TMEM192: variants seen among roughly 807,000 people sequenced by gnomAD.
TMEM192 encodes the protein transmembrane protein 192.
In TMEM192, 20 loss-of-function variants were observed where a neutral mutation model predicts 26.7. The observed-to-expected ratio is 0.75, with a 90% CI of 0.53 to 1.09. The LOEUF is 1.09. Among genes scored for constraint, TMEM192 ranks in the 50% least tolerant of loss-of-function variants. TMEM192 has a pLI of 0.00. For synonymous variants in TMEM192, 124 were observed against 121.0 expected, an observed-to-expected ratio of 1.02 and a Z score of -0.16; for missense variants, 304 against 322.6, an observed-to-expected ratio of 0.94 and a Z score of 0.44.
At chr4:165,088,383 T>C (rs944154278) in intron 4 of TMEM192, 85 bp downstream of exon 4, 2 of 1,389,128 alleles carry the variant, frequency 1.4e-6, no homozygotes, top group African/African-American at 2.9e-5. Context: ...GAGAACTTCC[T>C]TGTCGCTAAT....
At chr4:165,081,007 GC>G (rs1734506907) in intron 5 of TMEM192, among the ~76,000 whole-genome samples, 1 of 151,970 alleles carries the variant, frequency 6.6e-6, no homozygotes, top group African/African-American at 2.4e-5. Flanking sequence ...GAGCCACCGC[GC>G]CCAGCCAATA....
Position 165,075,030 on chromosome 4 carries a change from C to G in TMEM192, c.*4628G>C, listed in dbSNP as rs574263919. 1 of 152,238 alleles carries G rather than the reference C, an allele frequency of 6.6e-6. No homozygotes were observed. Among genetic ancestry groups the G allele is most frequent in the East Asian group, 1.9e-4 (1 of 5,180 alleles). 9.4% of individuals were successfully genotyped at this position (152,238 alleles called of 1,614,324 possible). Reference sequence around the variant, plus strand: ...GTATCCAAAGAAATACAATTTGAAACAATGACACACTCATCAGATGGGTCA... The same window carrying G: ...GTATCCAAAGAAATACAATTTGAAAGAATGACACACTCATCAGATGGGTCA... On this transcript the variant is annotated 3_prime_UTR_variant, in exon 6 of 6. Coordinates refer to ENST00000306480, the MANE Select transcript of TMEM192 (RefSeq NM_001100389.2).
At chr4:165,095,782 AT>A (rs1011032673) in intron 3 of TMEM192, among the ~76,000 whole-genome samples, 16 of 151,380 alleles carry the variant, frequency 1.1e-4, no homozygotes, top group African/African-American at 3.2e-4. Context: ...ATTTTTAAAA[AT>A]TTTTTTTTAA....
At position 165,093,149 on chromosome 4, in the gene TMEM192, C is replaced by T. The variant is rs1262056528; in HGVS notation, c.440-4547G>A. ...TTTTGCTCTGTCACCAAGGCTGGAG[C>T]GCGGTGGCACGATCTCAGCTCACGG... On this transcript the variant is annotated intron_variant, in intron 3 of 5. Transcript: ENST00000306480. Among the ~76,000 whole-genome samples, 9 of 131,576 alleles carry T rather than the reference C, an allele frequency of 6.8e-5. No homozygotes were observed. In the South Asian group the frequency reaches 1.4e-3, roughly 20 times the overall value. 86.3% of individuals were successfully genotyped at this position (131,576 alleles called of 152,430 possible).
intron 3 of TMEM192, among the ~76,000 whole-genome samples, chr4:165,094,319 G>A (rs1012043077): frequency 6.6e-6 from 1 of 151,814 alleles, no homozygotes; most frequent in Non-Finnish European, 1.5e-5. Context: ...TTACAGGTGT[G>A]AGCCACCATG....
rs752015591 is a variant in TMEM192, at chr4:165,100,648, G to A, written c.419C>T (p.Ala140Val). The A allele has an allele frequency of 7.4e-6, 12 of 1,614,022 alleles. No individual in the cohort carries two copies. The highest frequency in any genetic ancestry group is 6.7e-5 in the East Asian group (3 of 44,884). The change falls in exon 3 of 6, where the codon GCG (alanine) becomes GTG (valine). Residue 140 changes from alanine (A) to valine (V), a missense_variant. Coordinates refer to ENST00000306480, the MANE Select transcript of TMEM192 (RefSeq NM_001100389.2). ...CATACCAGAGGACTGTATCATCAAC[G>A]CAAGTCTCTTGAGATGCCTTGTTGA... ...YRSTRHLKRL[A>V]LMIQSSGNTV...
At chr4:165,097,839 T>G (rs557360970) in intron 3 of TMEM192, among the ~76,000 whole-genome samples, 22 of 152,046 alleles carry the variant, frequency 1.4e-4, no homozygotes, top group African/African-American at 5.3e-4. Context: ...TAGAGATTTA[T>G]TTATTTATTT....
chr4:165,090,977 G>C (rs1171414841), intron 3 of TMEM192, among the ~76,000 whole-genome samples: 1 of 143,258 alleles, frequency 7.0e-6, no homozygotes, highest in Non-Finnish European at 1.5e-5. Context: ...AGTACGGGAA[G>C]CATAGTGGCC....
chr4:165,102,507 T>G (rs1735058952), intron 2 of TMEM192, among the ~76,000 whole-genome samples: 1 of 152,162 alleles, frequency 6.6e-6, no homozygotes, highest in East Asian at 1.9e-4. Context: ...GAACATTCTG[T>G]ACACAAGGTT....
chr4:165,105,596 G>C (rs996351607), intron 1 of TMEM192, among the ~76,000 whole-genome samples: 1 of 152,200 alleles, frequency 6.6e-6, no homozygotes, highest in East Asian at 1.9e-4. Context: ...GACGCACAGA[G>C]AGCACTCAAT....
At chr4:165,084,259 C>T (rs993653905) in intron 5 of TMEM192, among the ~76,000 whole-genome samples, 13 of 150,570 alleles carry the variant, frequency 8.6e-5, no homozygotes, top group East Asian at 6.1e-4. Flanking sequence ...AGTACAGTGG[C>T]GCCATCTTGG....
rs566557800 is a variant in TMEM192, at chr4:165,112,227, G to A, written c.27+520C>T. Reference sequence around the variant, plus strand: ...TCCAGGCCATGATAGCGACAGGTCTGCGGGACGCTGGCGCCCGGCCCGAGC... The same window carrying A: ...TCCAGGCCATGATAGCGACAGGTCTACGGGACGCTGGCGCCCGGCCCGAGC... On this transcript the variant is annotated intron_variant, in intron 1 of 5. Transcript: ENST00000306480. Among the ~76,000 whole-genome samples the A allele has an allele frequency of 7.1e-4, 108 of 152,284 alleles. No homozygotes were observed. The Middle Eastern group carries it at 0.01, about 14-fold the overall frequency.
At chr4:165,087,487 T>C (rs1734647285) in intron 4 of TMEM192, among the ~76,000 whole-genome samples, 1 of 152,174 alleles carries the variant, frequency 6.6e-6, no homozygotes, top group African/African-American at 2.4e-5. Context: ...TTTCTAGGAT[T>C]CTGATTTATC....
In TMEM192 at chr4:165,100,774, A is replaced by T; in HGVS notation, c.293T>A (p.Leu98His). The T allele has an allele frequency of 6.2e-7, 1 of 1,614,078 alleles. No individual in the cohort carries two copies. The highest frequency in any genetic ancestry group is 2.2e-5 in the East Asian group (1 of 44,864). Residue 98 changes from leucine (L) to histidine (H), a missense_variant, in exon 3 of 6, where the codon CTT (leucine) becomes CAT (histidine). Physicochemically the swap from Leu to His is moderately conservative, Grantham distance 99. Transcript: ENST00000306480. Reference sequence around the variant, plus strand: ...GAGAATCCACAAAATAACTTTCCCAAGGATTATAACCGTCTGAACTTTCAA... The same window carrying T: ...GAGAATCCACAAAATAACTTTCCCATGGATTATAACCGTCTGAACTTTCAA... ...NPLKVQTVII[L>H]GKVILWILHL... is the part of the protein sequence containing the mutation.
intron 1 of TMEM192, among the ~76,000 whole-genome samples, chr4:165,110,544 A>G (rs1056481599): frequency 6.6e-6 from 1 of 152,214 alleles, no homozygotes; most frequent in Non-Finnish European, 1.5e-5. Context: ...CGTCTCTACT[A>G]AAAATACAAA....
intron 3 of TMEM192, among the ~76,000 whole-genome samples, chr4:165,093,878 G>A (rs1473661944): frequency 6.6e-6 from 1 of 152,076 alleles, no homozygotes; most frequent in Admixed American, 6.6e-5. Flanking sequence ...ACGCCACCAT[G>A]CCCAGCTAAT....
chr4:165,102,781 G>A lies in TMEM192; in HGVS notation c.174+169C>T, dbSNP rs528465543. On this transcript the variant is annotated intron_variant, in intron 2 of 5. Coordinates refer to ENST00000306480, the MANE Select transcript of TMEM192 (RefSeq NM_001100389.2). ...TTTGAAGATATAAGTAAAAGTGTAC[G>A]TACTTTTTTTTTTTTTTTTTTGCCC... 3.9e-4 allele frequency among the ~76,000 whole-genome samples: 46 copies of A among 119,426 alleles called. No homozygotes were observed. In the East Asian group the frequency reaches 7.5e-3, roughly 19 times the overall value. 78.3% of individuals were successfully genotyped at this position (119,426 alleles called of 152,430 possible).
rs1734310985 is a variant in TMEM192, at chr4:165,073,466, C to G, written c.*6192G>C. Reference sequence around the variant, plus strand: ...CTGCCCAAGAAAGCCTGGGTATTGTCCAAGGTTTCCTCCCACTGAGACAGC... The same window carrying G: ...CTGCCCAAGAAAGCCTGGGTATTGTGCAAGGTTTCCTCCCACTGAGACAGC... On this transcript the variant is annotated 3_prime_UTR_variant, in exon 6 of 6. Transcript: ENST00000306480. 2 of 152,246 alleles carry G rather than the reference C, an allele frequency of 1.3e-5. No homozygotes were observed. Among genetic ancestry groups the G allele is most frequent in the South Asian group, 4.1e-4 (2 of 4,836 alleles). The allele number at this position is 152,246 out of a possible 1,614,324, so 9.4% of individuals were successfully genotyped here.
intron 5 of TMEM192, among the ~76,000 whole-genome samples, chr4:165,080,865 C>A (rs1413382358): frequency 1.3e-5 from 2 of 151,944 alleles, no homozygotes; most frequent in Non-Finnish European, 2.9e-5. Flanking sequence ...CAGGCGCCTG[C>A]CACCATGCCC....
Sources: gnomAD v4.1 joint callset for allele counts (sites outside exome capture counted in the v4.1 genomes callset) on GRCh38, gnomAD v4.1.1 for gene constraint, MANE v1.5 for transcripts, NCBI Gene and HGNC (gene_info 2026-07-23, HGNC 2026-07-21) for gene names.